Variants in RPS6KC1 observed in about 807,000 individuals in gnomAD.
The protein encoded by RPS6KC1 is inactive ribosomal protein S6 kinase delta-1.
RPS6KC1 carries 54 observed loss-of-function variants against 103.8 expected under a neutral mutation model. That is an observed-to-expected ratio of 0.52 (90% CI 0.42 to 0.65). The LOEUF is 0.65. Ranked by LOEUF, RPS6KC1 falls within the 30% of genes least tolerant of loss-of-function variation. The pLI is 0.00. For synonymous variants in RPS6KC1, 439 were observed against 438.7 expected (o/e 1.00, Z -0.01); for missense variants, 1,151 against 1,253.8 (o/e 0.92, Z 1.24).
At chr1:213,545,408 AAAT>A in the RPS6KC1 span, among the ~76,000 whole-genome samples, 365 of 74,650 alleles carry the variant, frequency 4.9e-3, no homozygotes, top group South Asian at 0.011. Context: ...ATAAATAAAT[AAAT>A]AAATAAAATA....
At chr1:213,496,158 T>A in the RPS6KC1 span, among the ~76,000 whole-genome samples, 395 of 147,980 alleles carry the variant, frequency 2.7e-3, 1 homozygote, top group South Asian at 9.5e-3. Context: ...ATAACAAATA[T>A]TAGAAAATAA....
chr1:213,354,011 C>T, the RPS6KC1 span, among the ~76,000 whole-genome samples: 98 of 152,256 alleles, frequency 6.4e-4, no homozygotes, highest in African/African-American at 2.2e-3. Context: ...TCCCATGGAC[C>T]AAAAGAAAGT....
chr1:213,517,487 C>T, the RPS6KC1 span, among the ~76,000 whole-genome samples: 21 of 152,150 alleles, frequency 1.4e-4, no homozygotes, highest in Admixed American at 1.4e-3. Flanking sequence ...TCGTTATGTA[C>T]CCAGTAGTCA....
chr1:213,333,817 G>C, the RPS6KC1 span, among the ~76,000 whole-genome samples: 4 of 152,170 alleles, frequency 2.6e-5, no homozygotes, highest in African/African-American at 9.6e-5. Context: ...GAGTAGCTGG[G>C]ATTACAGGCA....
At chr1:213,116,227 C>T (rs571074850) in intron 4 of RPS6KC1, among the ~76,000 whole-genome samples, 131 of 152,086 alleles carry the variant, frequency 8.6e-4, no homozygotes, top group African/African-American at 2.1e-3. Context: ...CTTTATGAAT[C>T]TGGGTGCTCC....
chr1:213,231,732 AC>A (rs2094108765), intron 9 of RPS6KC1, among the ~76,000 whole-genome samples: 1 of 152,200 alleles, frequency 6.6e-6, no homozygotes, highest in African/African-American at 2.4e-5. Flanking sequence ...ATCTAAGAAT[AC>A]CTTTTGTGTC....
At chr1:213,328,667 G>A in the RPS6KC1 span, among the ~76,000 whole-genome samples, 2 of 151,556 alleles carry the variant, frequency 1.3e-5, no homozygotes, top group African/African-American at 4.8e-5. Flanking sequence ...AGAATAAAAG[G>A]GGAGAGGAGA....
the RPS6KC1 span, among the ~76,000 whole-genome samples, chr1:213,730,829 T>C: frequency 6.6e-6 from 1 of 152,134 alleles, no homozygotes; most frequent in Non-Finnish European, 1.5e-5. Flanking sequence ...TTGGCATCTT[T>C]GTTATGAAAT....
the RPS6KC1 span, among the ~76,000 whole-genome samples, chr1:213,816,824 T>C: frequency 6.6e-6 from 1 of 152,162 alleles, no homozygotes; most frequent in Non-Finnish European, 1.5e-5. Context: ...AAAGTCTCAT[T>C]TTCCTCAATA....
the RPS6KC1 span, among the ~76,000 whole-genome samples, chr1:213,355,012 G>A: frequency 2.0e-5 from 3 of 152,180 alleles, no homozygotes; most frequent in Non-Finnish European, 4.4e-5. Context: ...AAGGTCAGGA[G>A]TTTGAGGCCA....
At chr1:213,628,871 G>A in the RPS6KC1 span, among the ~76,000 whole-genome samples, 1 of 152,192 alleles carries the variant, frequency 6.6e-6, no homozygotes, top group African/African-American at 2.4e-5. Context: ...AGGTTGCTCA[G>A]TTTCCATGGA....
At chr1:213,408,373 G>A in the RPS6KC1 span, among the ~76,000 whole-genome samples, 1 of 152,134 alleles carries the variant, frequency 6.6e-6, no homozygotes, top group Non-Finnish European at 1.5e-5. Context: ...AGGGTGTGGG[G>A]GTTAGTTTTA....
rs148342918 is a variant in RPS6KC1 at position 213,197,359 on chromosome 1, A to G, written c.1044+20867A>G. 2.2e-3 allele frequency among the ~76,000 whole-genome samples: 338 copies of G among 152,258 alleles called. 3 individuals are homozygous for G. The highest frequency in any genetic ancestry group is 7.9e-3 in the African/African-American group (328 of 41,542). ...TTTTGGTGGGAATTGCACTGAATTT[A>G]TAGATTGCTTTTGGCAATATGGTCA... is the stretch of plus-strand genomic sequence containing the variant. On this transcript the variant is annotated intron_variant, in intron 8 of 14. Coordinates refer to ENST00000366960, the MANE Select transcript of RPS6KC1 (RefSeq NM_012424.6).
At chr1:213,634,334 G>C in the RPS6KC1 span, among the ~76,000 whole-genome samples, 343 of 152,298 alleles carry the variant, frequency 2.3e-3, no homozygotes, top group African/African-American at 7.6e-3. Flanking sequence ...TGGAAGTAAA[G>C]CACTCCTTAG....
At chr1:213,105,666 A>T (rs1190699046) in intron 4 of RPS6KC1, among the ~76,000 whole-genome samples, 1 of 152,212 alleles carries the variant, frequency 6.6e-6, no homozygotes, top group Non-Finnish European at 1.5e-5. Flanking sequence ...AACATTTCTG[A>T]TGATTGACCG....
chr1:213,512,000 CTT>C, the RPS6KC1 span, among the ~76,000 whole-genome samples: 1 of 152,192 alleles, frequency 6.6e-6, no homozygotes, highest in Non-Finnish European at 1.5e-5. Flanking sequence ...TTTAGTAAGA[CTT>C]TATTGAATGA....
At chr1:213,695,140 A>T in the RPS6KC1 span, among the ~76,000 whole-genome samples, 1 of 152,222 alleles carries the variant, frequency 6.6e-6, no homozygotes. Flanking sequence ...GCCACATAGT[A>T]GGCACTCAAT....
chr1:213,711,219 T>C, the RPS6KC1 span, among the ~76,000 whole-genome samples: 1 of 152,202 alleles, frequency 6.6e-6, no homozygotes, highest in African/African-American at 2.4e-5. Context: ...TTTCATTCTT[T>C]TTTCTCTAAT....
chr1:213,737,556 C>T, the RPS6KC1 span, among the ~76,000 whole-genome samples: 1 of 152,150 alleles, frequency 6.6e-6, no homozygotes, highest in East Asian at 1.9e-4. Flanking sequence ...GTCTTTTCAG[C>T]ATAAAACACA....
Sources: gnomAD v4.1 joint callset for allele counts (sites outside exome capture counted in the v4.1 genomes callset) on GRCh38, gnomAD v4.1.1 for gene constraint, MANE v1.5 for transcripts, NCBI Gene and HGNC (gene_info 2026-07-23, HGNC 2026-07-21) for gene names.